Variants in PREPL observed in about 807,000 individuals in gnomAD.
PREPL encodes the protein prolyl endopeptidase like.
Under a neutral mutation model 70.6 loss-of-function variants are expected in PREPL, and 77 were observed. That is an observed-to-expected ratio of 1.09 (90% CI 0.91 to 1.32). The LOEUF (loss-of-function observed/expected upper bound fraction) is 1.32. Ranked by LOEUF, PREPL falls within the 40% of genes most tolerant of loss-of-function variation. The pLI is 0.00. For missense variants in PREPL, 1,002 were observed against 778.2 expected, an observed-to-expected ratio of 1.29 and a Z score of -3.42; for synonymous variants, 315 against 264.8, an observed-to-expected ratio of 1.19 and a Z score of -1.84.
intron 11 of PREPL, 123 bp downstream of exon 11, chr2:44,323,139 T>C: frequency 1.0e-6 from 1 of 972,958 alleles, no homozygotes; most frequent in East Asian, 2.5e-5. Context: ...GTGCTGAAGA[T>C]ATTTGGGCAT....
chr2:44,328,493 T>G (rs1046682681), intron 9 of PREPL, among the ~76,000 whole-genome samples: 5 of 135,972 alleles, frequency 3.7e-5, no homozygotes, highest in African/African-American at 1.4e-4. Context: ...GCTACAGAGA[T>G]CCATCAGACC....
intron 10 of PREPL, 26 bp downstream of exon 10, chr2:44,326,686 A>C (rs377690040): frequency 6.9e-6 from 11 of 1,598,128 alleles, no homozygotes; most frequent in Non-Finnish European, 9.4e-6. Flanking sequence ...CCCATTCTAT[A>C]AACAGTAGAG....
chr2:44,361,504 C>G (rs1331353878), upstream of PREPL: 1 of 153,302 alleles, frequency 6.5e-6, no homozygotes, highest in African/African-American at 2.4e-5. Flanking sequence ...CGTTCCGCAG[C>G]CCACAGAACG....
At chr2:44,326,006 C>G (rs897232831) in intron 10 of PREPL, among the ~76,000 whole-genome samples, 2 of 152,122 alleles carry the variant, frequency 1.3e-5, no homozygotes, top group Non-Finnish European at 2.9e-5. Flanking sequence ...AAATAAAGAG[C>G]CTATAAATCT....
At chr2:44,342,045 C>T (rs911077709) in intron 5 of PREPL, among the ~76,000 whole-genome samples, 1 of 152,078 alleles carries the variant, frequency 6.6e-6, no homozygotes, top group Non-Finnish European at 1.5e-5. Flanking sequence ...GCAATAGATA[C>T]TGACTAAATA....
Position 44,346,255 on chromosome 2 carries a change from T to C in PREPL, c.75+13A>G. 1.2e-6 allele frequency: 2 copies of C among 1,600,380 alleles called. No homozygotes were observed. Among genetic ancestry groups the C allele is most frequent in the Non-Finnish European group, 1.7e-6 (2 of 1,174,154 alleles). On this transcript the variant is annotated intron_variant, in intron 2 of 13. Transcript: ENST00000409411. ...TATCAAAAATTTTTTTTTAAAGACA[T>C]GAGATATCTTACTTCCACATTGATG...
intron 7 of PREPL, among the ~76,000 whole-genome samples, chr2:44,333,256 C>A (rs1674302649): frequency 6.6e-6 from 1 of 152,112 alleles, no homozygotes; most frequent in Admixed American, 6.5e-5. Context: ...GAGAGACTCA[C>A]AGCTATTATA....
In PREPL at chr2:44,320,188, T is replaced by TA. The variant is rs1370011408; in HGVS notation, c.*1167dup. 6.2e-7 allele frequency: 1 copy of TA among 1,606,738 alleles called. No homozygotes were observed. The highest frequency in any genetic ancestry group is 1.3e-5 in the African/African-American group (1 of 74,822). On this transcript the variant is annotated 3_prime_UTR_variant, in exon 14 of 14. Coordinates refer to ENST00000409411, the MANE Select transcript of PREPL (RefSeq NM_001171613.2). ...TCAAACACTTACGTAAATACTTTTT[T>TA]AAAAAAATAGGTCCAAAAGACTCAG... is the stretch of plus-strand genomic sequence containing the variant.
In PREPL at chr2:44,321,237, T is replaced by C; in HGVS notation, c.*119A>G. 1 of 903,748 alleles carries C rather than the reference T, an allele frequency of 1.1e-6. No individual in the cohort carries two copies. Among genetic ancestry groups the C allele is most frequent in the Non-Finnish European group, 1.7e-6 (1 of 597,698 alleles). The allele number at this position is 903,748 out of a possible 1,614,324, so 56.0% of individuals were successfully genotyped here. ...AGCAAAATTTAGATGGAGAAGCACA[T>C]TTTAAAAAATTAATAACTTAAAAGT... On this transcript the variant is annotated 3_prime_UTR_variant, in exon 14 of 14. Transcript: ENST00000409411.
rs1672768501 is a variant in PREPL at position 44,319,776 on chromosome 2, C to T, written c.*1580G>A. ...CAACAGCAACCTACACATTAGTCTA[C>T]AAAGGGGAACAAACCCAAATTCCTC... On this transcript the variant is annotated 3_prime_UTR_variant, in exon 14 of 14. Transcript: ENST00000409411. 1 of 174,544 alleles carries T rather than the reference C, an allele frequency of 5.7e-6. No individual in the cohort carries two copies. The highest frequency in any genetic ancestry group is 1.2e-5 in the Non-Finnish European group (1 of 81,374). 10.8% of individuals were successfully genotyped at this position (174,544 alleles called of 1,614,324 possible).
At chr2:44,361,840 A>C, upstream of PREPL, 1 of 1,276,030 alleles carries the variant, frequency 7.8e-7, no homozygotes, top group Non-Finnish European at 1.0e-6. Flanking sequence ...CCTGGTTGCC[A>C]AGGAGATGCG....
At chr2:44,326,960 A>G in intron 9 of PREPL, 32 bp from the exon 10 acceptor site, 3 of 1,553,432 alleles carry the variant, frequency 1.9e-6, no homozygotes, top group South Asian at 2.3e-5. Context: ...GTTTTAGTGG[A>G]AAAAAAAAGT....
Position 44,344,025 on chromosome 2 carries a change from T to G in PREPL, c.143-74A>C. The G allele has an allele frequency of 2.0e-6, 3 of 1,482,542 alleles. No individual in the cohort carries two copies. The Admixed American group carries it at 7.0e-5, about 34-fold the overall frequency. The allele number at this position is 1,482,542 out of a possible 1,614,324, so 91.8% of individuals were successfully genotyped here. On this transcript the variant is annotated intron_variant, in intron 3 of 13. Coordinates refer to ENST00000409411, the MANE Select transcript of PREPL (RefSeq NM_001171613.2). ...AAAAATTAAAACTGTATTTTAATGT[T>G]TTAAATTAGAATTCCCATTCTGTAA...
chr2:44,342,600 T>TTA (rs1675352583), intron 4 of PREPL, 48 bp from the exon 5 acceptor site: 3 of 949,980 alleles, frequency 3.2e-6, no homozygotes, highest in Non-Finnish European at 4.4e-6. Context: ...TACACTCCAT[T>TTA]AAAAAAAAAA....
intron 1 of PREPL, among the ~76,000 whole-genome samples, chr2:44,355,751 T>TTATATATATATATATATA (rs112927329): frequency 5.7e-5 from 8 of 141,356 alleles, no homozygotes; most frequent in African/African-American, 1.9e-4. Flanking sequence ...AAACTACATA[T>TTATATATATATATATATA]TATATATATA....
Position 44,332,551 on chromosome 2 carries a change from T to C in PREPL, c.994A>G (p.Lys332Glu), listed in dbSNP as rs746876334. 1.2e-6 allele frequency: 2 copies of C among 1,613,730 alleles called. No homozygotes were observed. Among genetic ancestry groups the C allele is most frequent in the Non-Finnish European group, 1.7e-6 (2 of 1,179,718 alleles). ...TCAAACAGTTTGCCTTCTGCAAACT[T>C]GTATGTGTAATATTTTGGGGGACGT... is the stretch of plus-strand genomic sequence containing the variant. ...PIRPPKYYTY[K>E]FAEGKLFEET... Residue 332 changes from lysine to glutamate, a missense_variant, in exon 8 of 14, where the codon AAG becomes GAG. By Grantham distance (56) the Lys-to-Glu change is moderately conservative. Transcript: ENST00000409411.
Position 44,319,709 on chromosome 2 carries a change from G to T in PREPL, c.*1647C>A, listed in dbSNP as rs1672761447. The T allele has an allele frequency of 6.5e-6, 1 of 153,540 alleles. No individual in the cohort carries two copies. The highest frequency in any genetic ancestry group is 6.4e-5 in the Admixed American group (1 of 15,524). 9.5% of individuals were successfully genotyped at this position (153,540 alleles called of 1,614,324 possible). ...TTTTCAACTTTGTCTTCTATTAGCTGTGCAAGAAATACATGTCTGCTAAAG... is the reference window on the plus strand; with the variant it reads ...TTTTCAACTTTGTCTTCTATTAGCTTTGCAAGAAATACATGTCTGCTAAAG... On this transcript the variant is annotated 3_prime_UTR_variant, in exon 14 of 14. Transcript: ENST00000409411.
At chr2:44,321,779 T>G in intron 13 of PREPL, 48 bp downstream of exon 13, 1 of 1,613,690 alleles carries the variant, frequency 6.2e-7, no homozygotes, top group Non-Finnish European at 8.5e-7. Context: ...GAAAACAACA[T>G]GTATCTAGTT....
intron 7 of PREPL, among the ~76,000 whole-genome samples, chr2:44,333,177 T>C (rs1674297117): frequency 6.6e-6 from 1 of 152,198 alleles, no homozygotes; most frequent in South Asian, 2.1e-4. Context: ...CATTTGCAAT[T>C]TGTTTCTAAC....
Sources: allele counts gnomAD v4.1 joint callset (sites outside exome capture counted in the v4.1 genomes callset), GRCh38; gene constraint gnomAD v4.1.1; transcripts MANE v1.5; gene names NCBI Gene and HGNC (gene_info 2026-07-23, HGNC 2026-07-21).